Variants in SLC5A5 observed in about 807,000 individuals in gnomAD.
SLC5A5 encodes the protein sodium/iodide cotransporter.
Under a neutral mutation model 68.6 loss-of-function variants are expected in SLC5A5, and 56 were observed. The ratio of observed to expected loss-of-function variants is 0.82; its 90% CI spans 0.66 to 1.02. SLC5A5 has a LOEUF of 1.02. Ranked by LOEUF, SLC5A5 falls within the 50% of genes least tolerant of loss-of-function variation. The pLI, the probability that SLC5A5 is intolerant of heterozygous loss-of-function variation, is 0.00. For missense variants in SLC5A5, 807 were observed against 859.8 expected (o/e 0.94, Z 0.77); for synonymous variants, 398 against 373.0 (o/e 1.07, Z -0.77).
chr19:17,880,475 G>A (rs566717255), intron 7 of SLC5A5, among the ~76,000 whole-genome samples: 2 of 152,220 alleles, frequency 1.3e-5, no homozygotes, highest in East Asian at 1.9e-4. Flanking sequence ...TCGGCCTCCC[G>A]AAGTGTTGGG....
chr19:17,889,024 AAG>A (rs1372262936), intron 13 of SLC5A5, among the ~76,000 whole-genome samples: 1 of 148,238 alleles, frequency 6.7e-6, no homozygotes, highest in African/African-American at 2.6e-5. Context: ...ATATACATAA[AAG>A]AAATTATGAA....
intron 7 of SLC5A5, among the ~76,000 whole-genome samples, chr19:17,880,513 C>A (rs1395364667): frequency 6.6e-6 from 1 of 152,128 alleles, no homozygotes; most frequent in East Asian, 1.9e-4. Flanking sequence ...CCCTGCCCGG[C>A]CAGACCCCTA....
rs2094302814 is a variant in SLC5A5, at chr19:17,874,718, T to C, written c.530T>C (p.Phe177Ser). The C allele has an allele frequency of 1.2e-6, 2 of 1,614,000 alleles. No individual in the cohort carries two copies. Among genetic ancestry groups the C allele is most frequent in the African/African-American group, 2.7e-5 (2 of 74,922 alleles). ...SLLSTGIICT[F>S]YTAVGGMKAV... ...CTGTCCACCGGAATTATCTGCACCT[T>C]CTACACGGCTGTGGTGAGTGGCCCT... The change falls in exon 4 of 15, where the codon TTC (phenylalanine) becomes TCC (serine). Residue 177 changes from phenylalanine to serine, a missense_variant. Phe to Ser is a radical substitution (Grantham distance 155). Transcript: ENST00000222248.
intron 7 of SLC5A5, among the ~76,000 whole-genome samples, chr19:17,880,414 C>T (rs973690865): frequency 6.6e-6 from 1 of 152,138 alleles, no homozygotes; most frequent in Non-Finnish European, 1.5e-5. Flanking sequence ...GAGGTTTCAC[C>T]ATGTTGGCCA....
chr19:17,890,419 G>T (rs1053310962), intron 13 of SLC5A5, among the ~76,000 whole-genome samples: 2 of 151,668 alleles, frequency 1.3e-5, no homozygotes, highest in Admixed American at 6.6e-5. Context: ...TAGAAACAGG[G>T]TCTCACTCTG....
intron 14 of SLC5A5, among the ~76,000 whole-genome samples, chr19:17,892,183 A>G (rs746593756): frequency 2.5e-4 from 38 of 152,122 alleles, no homozygotes; most frequent in Non-Finnish European, 4.1e-4. Flanking sequence ...AATCCCAGCT[A>G]CTCAGTGGAA....
chr19:17,892,347 A>G (rs1271698169), intron 14 of SLC5A5, among the ~76,000 whole-genome samples: 1 of 149,724 alleles, frequency 6.7e-6, no homozygotes. Flanking sequence ...AAGGAAGGAA[A>G]GGAAAGAGCC....
At chr19:17,875,667 A>G (rs2094305265) in intron 4 of SLC5A5, among the ~76,000 whole-genome samples, 1 of 142,466 alleles carries the variant, frequency 7.0e-6, no homozygotes, top group South Asian at 2.3e-4. Flanking sequence ...AGCTCCAGCT[A>G]CTCCGGAGGC....
chr19:17,874,019 T>A, intron 1 of SLC5A5, 119 bp from the exon 2 acceptor site: 1 of 738,976 alleles, frequency 1.4e-6, no homozygotes, highest in Non-Finnish European at 2.5e-6. Flanking sequence ...CGTGCAAGAA[T>A]CTGGCGGGCG....
chr19:17,886,518 G>A (rs1253670566), intron 12 of SLC5A5, among the ~76,000 whole-genome samples: 2 of 151,982 alleles, frequency 1.3e-5, no homozygotes, highest in Non-Finnish European at 2.9e-5. Flanking sequence ...ATGTTGGTCA[G>A]GGTGGTCTCA....
chr19:17,893,574 C>A, intron 14 of SLC5A5, 139 bp from the exon 15 acceptor site: 1 of 841,212 alleles, frequency 1.2e-6, no homozygotes, highest in Non-Finnish European at 1.9e-6. Flanking sequence ...GGCCCGTGCA[C>A]TGAGCAAGGG....
intron 5 of SLC5A5, among the ~76,000 whole-genome samples, chr19:17,876,856 GT>G (rs2094308580): frequency 6.7e-6 from 1 of 148,850 alleles, no homozygotes; most frequent in Admixed American, 6.7e-5. Context: ...GAGAGACTCC[GT>G]CCCCCCCCTA....
intron 7 of SLC5A5, among the ~76,000 whole-genome samples, chr19:17,878,314 G>A (rs2094312476): frequency 6.6e-6 from 1 of 152,086 alleles, no homozygotes; most frequent in South Asian, 2.1e-4. Context: ...AGACCAGTCT[G>A]GCTAACATGG....
chr19:17,882,887 G>T lies in SLC5A5; in HGVS notation c.1242+668G>T, dbSNP rs537165763. Among the ~76,000 whole-genome samples the T allele has an allele frequency of 1.3e-4, 19 of 147,180 alleles. No individual in the cohort carries two copies. The South Asian group carries it at 3.6e-3, about 28-fold the overall frequency. On this transcript the variant is annotated intron_variant, in intron 10 of 14. Transcript: ENST00000222248. ...TTTAGTAGAGATGGGGTTTCACCGT[G>T]TTAGCCAGGATGGTCTCGATCTCCT...
chr19:17,875,610 C>CA (rs1417364557), intron 4 of SLC5A5, among the ~76,000 whole-genome samples: 7 of 142,880 alleles, frequency 4.9e-5, no homozygotes, highest in Admixed American at 4.9e-4. Flanking sequence ...CCCATCTCTA[C>CA]AAAAAAAATT....
At chr19:17,883,422 AAAG>A (rs1197061144) in intron 10 of SLC5A5, among the ~76,000 whole-genome samples, 91 of 151,768 alleles carry the variant, frequency 6.0e-4, no homozygotes, top group Non-Finnish European at 1.0e-3. Context: ...TAAAAAAAAA[AAAG>A]AAGAAGAAAG....
At chr19:17,891,851 T>C (rs1053110132) in intron 14 of SLC5A5, among the ~76,000 whole-genome samples, 4 of 152,302 alleles carry the variant, frequency 2.6e-5, no homozygotes, top group African/African-American at 9.6e-5. Context: ...CATTCTCTCA[T>C]TTATTGAGCA....
chr19:17,888,991 T>C (rs560928061), intron 13 of SLC5A5, among the ~76,000 whole-genome samples: 1 of 150,298 alleles, frequency 6.7e-6, no homozygotes, highest in African/African-American at 2.5e-5. Flanking sequence ...TATATACACA[T>C]ACATACACAC....
intron 7 of SLC5A5, 22 bp from the exon 8 acceptor site, chr19:17,880,843 G>T (rs1195460555): frequency 6.3e-7 from 1 of 1,590,016 alleles, no homozygotes; most frequent in East Asian, 2.2e-5. Flanking sequence ...TGTCTGGGAG[G>T]CTGACCCCCA....
Sources: allele counts gnomAD v4.1 joint callset (sites outside exome capture counted in the v4.1 genomes callset), GRCh38; gene constraint gnomAD v4.1.1; transcripts MANE v1.5; gene names NCBI Gene and HGNC (gene_info 2026-07-23, HGNC 2026-07-21).